Variants in ERBB4 observed in about 807,000 individuals in gnomAD.
ERBB4 encodes the protein receptor tyrosine-protein kinase erbB-4.
Under a neutral mutation model 158.0 loss-of-function variants are expected in ERBB4, and 42 were observed. The ratio of observed to expected loss-of-function variants is 0.27; its 90% CI spans 0.21 to 0.34. The LOEUF (loss-of-function observed/expected upper bound fraction) is 0.34. ERBB4 is among the 10% of genes least tolerant of loss of function. The probability of loss-of-function intolerance (pLI) is 1.00; values close to 1 mark genes in which losing one functional copy is unlikely to be tolerated. For synonymous variants in ERBB4, 583 were observed against 558.7 expected (o/e 1.04, Z -0.61); for missense variants, 1,333 against 1,624.1 (o/e 0.82, Z 3.08).
intron 12 of ERBB4, among the ~76,000 whole-genome samples, chr2:211,687,684 T>TA (rs1301358515): frequency 2.6e-5 from 4 of 152,152 alleles, no homozygotes; most frequent in Admixed American, 1.3e-4. Context: ...GGCTTTTTTT[T>TA]ATCTGCATCT....
chr2:211,632,530 T>C (rs1000179162), intron 16 of ERBB4, among the ~76,000 whole-genome samples: 28 of 152,076 alleles, frequency 1.8e-4, no homozygotes, highest in African/African-American at 6.8e-4. Flanking sequence ...TTTTGCAAAA[T>C]AATAGGTGGT....
chr2:211,698,927 G>A (rs948946849), intron 12 of ERBB4, among the ~76,000 whole-genome samples: 5 of 152,108 alleles, frequency 3.3e-5, no homozygotes, highest in East Asian at 3.9e-4. Context: ...AGAGTTTCCC[G>A]CAATCTCAAT....
chr2:211,677,121 A>T (rs910414039), intron 13 of ERBB4, among the ~76,000 whole-genome samples: 2 of 152,198 alleles, frequency 1.3e-5, no homozygotes, highest in African/African-American at 2.4e-5. Flanking sequence ...TGCAAAGAAG[A>T]GACATGTCAA....
At chr2:212,054,601 A>T (rs1479457188) in intron 2 of ERBB4, among the ~76,000 whole-genome samples, 2 of 152,178 alleles carry the variant, frequency 1.3e-5, no homozygotes, top group Non-Finnish European at 2.9e-5. Flanking sequence ...TTCACCAAAG[A>T]AACTCTTGTG....
chr2:211,508,866 C>T (rs867829867), intron 20 of ERBB4, among the ~76,000 whole-genome samples: 1 of 152,010 alleles, frequency 6.6e-6, no homozygotes, highest in Middle Eastern at 3.4e-3. Context: ...GGAGGCGGAG[C>T]TTGCAGTGAG....
intron 1 of ERBB4, among the ~76,000 whole-genome samples, chr2:212,267,066 C>T (rs1350508317): frequency 7.1e-6 from 1 of 140,204 alleles, no homozygotes; most frequent in Admixed American, 7.0e-5. Context: ...AAATGCTACT[C>T]GGAGCTTTTC....
At chr2:211,980,390 A>T (rs976612618) in intron 2 of ERBB4, among the ~76,000 whole-genome samples, 6 of 152,094 alleles carry the variant, frequency 3.9e-5, no homozygotes, top group African/African-American at 1.2e-4. Context: ...TGGTTAAAAA[A>T]TTTTTCATGA....
intron 3 of ERBB4, among the ~76,000 whole-genome samples, chr2:211,917,060 G>A (rs1336305072): frequency 1.3e-5 from 2 of 152,104 alleles, no homozygotes; most frequent in African/African-American, 2.4e-5. Context: ...GAGGCAAGGT[G>A]GCCACGGCTG....
At chr2:212,225,549 G>A (rs4563169) in intron 1 of ERBB4, among the ~76,000 whole-genome samples, 58,099 of 151,530 alleles carry the variant, frequency 0.38, 12,962 homozygotes, top group East Asian at 0.76. Flanking sequence ...TTTGTCATTC[G>A]GCATGAGAAT....
rs185296319 is a variant in ERBB4 at position 211,602,764 on chromosome 2, A to G, written c.2301+16413T>C. Among the ~76,000 whole-genome samples the G allele has an allele frequency of 6.0e-4, 91 of 152,276 alleles. 1 individual carries two copies. Among genetic ancestry groups the G allele is most frequent in the African/African-American group, 1.8e-3 (75 of 41,554 alleles). ...AGATATACTTTCAGTGAAATGAAAT[A>G]CTAAACTAAGAAGGAGGAAGATATG... On this transcript the variant is annotated intron_variant, in intron 19 of 27. Transcript: ENST00000342788.
intron 4 of ERBB4, among the ~76,000 whole-genome samples, chr2:211,776,632 T>C (rs964063714): frequency 6.6e-6 from 1 of 152,212 alleles, no homozygotes; most frequent in South Asian, 2.1e-4. Context: ...ACTAACTGCA[T>C]GGAATACGTA....
intron 20 of ERBB4, among the ~76,000 whole-genome samples, chr2:211,560,629 G>C (rs1383506232): frequency 1.3e-5 from 2 of 151,964 alleles, no homozygotes; most frequent in Non-Finnish European, 2.9e-5. Context: ...AAGTTCTATT[G>C]CATATTTAAC....
At chr2:211,404,473 A>G (rs2063108601) in intron 25 of ERBB4, among the ~76,000 whole-genome samples, 1 of 152,110 alleles carries the variant, frequency 6.6e-6, no homozygotes, top group African/African-American at 2.4e-5. Flanking sequence ...CTAAATGTCT[A>G]TAGGTTGGAA....
rs2080165456 is a variant in ERBB4 at position 212,133,394 on chromosome 2, G to A, written c.83-8491C>T. Among the ~76,000 whole-genome samples the A allele has an allele frequency of 8.5e-5, 12 of 141,954 alleles. 1 individual carries two copies. In the South Asian group the frequency reaches 2.6e-3, roughly 31 times the overall value. The allele number at this position is 141,954 out of a possible 152,430, so 93.1% of individuals were successfully genotyped here. ...TGTGTTCTGCTTTCTTTTCATTTTG[G>A]TGTTTTTTTTTTGTTTTGTTTTGTT... is the stretch of plus-strand genomic sequence containing the variant. On this transcript the variant is annotated intron_variant, in intron 1 of 27. Coordinates refer to ENST00000342788, the MANE Select transcript of ERBB4 (RefSeq NM_005235.3).
chr2:211,653,095 G>A (rs150824979), intron 16 of ERBB4, among the ~76,000 whole-genome samples: 430 of 152,080 alleles, frequency 2.8e-3, no homozygotes, highest in African/African-American at 9.9e-3. Flanking sequence ...ATAATATACA[G>A]AAAAGAATGA....
chr2:211,733,737 A>C (rs1400448564), intron 5 of ERBB4, among the ~76,000 whole-genome samples: 1 of 151,468 alleles, frequency 6.6e-6, no homozygotes, highest in African/African-American at 2.5e-5. Context: ...CCAAAATATT[A>C]GTAGAAGAAA....
chr2:212,431,364 A>T (rs2092026615), intron 1 of ERBB4, among the ~76,000 whole-genome samples: 1 of 144,880 alleles, frequency 6.9e-6, no homozygotes, highest in African/African-American at 2.5e-5. Flanking sequence ...GTTTTCTTTG[A>T]AATTTCATAT....
At chr2:212,170,694 G>A (rs2081488698) in intron 1 of ERBB4, among the ~76,000 whole-genome samples, 1 of 152,098 alleles carries the variant, frequency 6.6e-6, no homozygotes, top group Admixed American at 6.6e-5. Flanking sequence ...AATATACTCA[G>A]GCCATTGCTT....
At chr2:212,234,403 T>G (rs2105992295) in intron 1 of ERBB4, among the ~76,000 whole-genome samples, 1 of 152,300 alleles carries the variant, frequency 6.6e-6, no homozygotes, top group South Asian at 2.1e-4. Context: ...TTGGGTTGGT[T>G]TCATGTCTTT....
Sources: gnomAD v4.1 joint callset for allele counts (sites outside exome capture counted in the v4.1 genomes callset) on GRCh38, gnomAD v4.1.1 for gene constraint, MANE v1.5 for transcripts, NCBI Gene and HGNC (gene_info 2026-07-23, HGNC 2026-07-21) for gene names.